The following AVL9 variants were observed in gnomAD, a reference collection of about 807,000 sequenced individuals.
AVL9 encodes the protein AVL9 cell migration associated.
A neutral mutation model predicts 79.2 loss-of-function variants in AVL9; 49 were observed. That is an observed-to-expected ratio of 0.62 (90% CI 0.49 to 0.79). AVL9 has a LOEUF of 0.79. AVL9 is among the 30% of genes least tolerant of loss of function. AVL9 has a pLI of 0.00. For synonymous variants in AVL9, 299 were observed against 280.6 expected, an observed-to-expected ratio of 1.07 and a Z score of -0.65; for missense variants, 682 against 776.8, an observed-to-expected ratio of 0.88 and a Z score of 1.45.
intron 1 of AVL9, among the ~76,000 whole-genome samples, chr7:32,516,280 C>CTTCA (rs1368880938): frequency 2.6e-5 from 4 of 152,178 alleles, no homozygotes; most frequent in Non-Finnish European, 5.9e-5. Flanking sequence ...AGGAAGCAGT[C>CTTCA]TTCACTGTTT....
intron 1 of AVL9, chr7:32,535,568 C>T (rs1223844263): frequency 1.3e-5 from 2 of 152,240 alleles, no homozygotes; most frequent in African/African-American, 4.8e-5. Flanking sequence ...TGAGCTCTCT[C>T]AACTTCTTGT....
intron 1 of AVL9, among the ~76,000 whole-genome samples, chr7:32,523,963 G>A (rs950855751): frequency 6.6e-6 from 1 of 151,728 alleles, no homozygotes; most frequent in African/African-American, 2.4e-5. Context: ...TCGATCTCCT[G>A]ACCTCGTGAT....
chr7:32,551,327 C>T lies in AVL9; in HGVS notation c.373-7C>T. The T allele has an allele frequency of 1.9e-6, 3 of 1,567,796 alleles. No homozygotes were observed. The highest frequency in any genetic ancestry group is 1.7e-4 in the Middle Eastern group (1 of 5,930). On this transcript the variant is annotated splice_region_variant and splice_polypyrimidine_tract_variant and intron_variant, in intron 4 of 15. Coordinates refer to ENST00000318709, the MANE Select transcript of AVL9 (RefSeq NM_015060.3). ...AATCAATGGTAATTTCTCTTTTTTC[C>T]TTTAAGCCTCTGTATGGTTTACTTC...
At chr7:32,570,913 G>A (rs1361286362) in intron 11 of AVL9, among the ~76,000 whole-genome samples, 2 of 143,548 alleles carry the variant, frequency 1.4e-5, no homozygotes, top group Non-Finnish European at 3.0e-5. Flanking sequence ...AAGCCACCGC[G>A]CCCAGCCTGA....
At position 32,579,556 on chromosome 7, in the gene AVL9, ATT is replaced by A. The variant is rs1791375391; in HGVS notation, c.1689-662_1689-661del. The stretch of plus-strand genomic sequence containing the variant: ...TTATATTATATATTATATATTATAT[ATT>A]ATATTATATATTATATTATATATTA... On this transcript the variant is annotated intron_variant, in intron 13 of 15. Coordinates refer to ENST00000318709, the MANE Select transcript of AVL9 (RefSeq NM_015060.3). 5.4e-4 allele frequency among the ~76,000 whole-genome samples: 2 copies of A among 3,720 alleles called. 1 individual carries two copies. The highest frequency in any genetic ancestry group is 0.018 in the South Asian group (2 of 114). 2.4% of individuals were successfully genotyped at this position (3,720 alleles called of 152,430 possible). A position where few individuals can be genotyped will look rare whatever the true frequency, so the allele number is the denominator to read the frequency against.
intron 2 of AVL9, among the ~76,000 whole-genome samples, chr7:32,544,230 GATC>G (rs966311945): frequency 1.3e-5 from 2 of 152,182 alleles, no homozygotes; most frequent in Admixed American, 1.3e-4. Context: ...CTGAGAATGA[GATC>G]ATTCCCCAGT....
chr7:32,542,755 T>C (rs894092489), intron 1 of AVL9, among the ~76,000 whole-genome samples: 2 of 152,280 alleles, frequency 1.3e-5, no homozygotes, highest in African/African-American at 4.8e-5. Flanking sequence ...TGGGCTCAAC[T>C]TGGGGCTCCT....
intron 15 of AVL9, chr7:32,581,225 G>T: frequency 4.4e-6 from 1 of 227,020 alleles, no homozygotes; most frequent in South Asian, 8.8e-5. Context: ...TAGGTATTAG[G>T]AACTGCTATC....
intron 1 of AVL9, among the ~76,000 whole-genome samples, chr7:32,521,813 G>GT (rs1199853403): frequency 6.6e-6 from 1 of 152,138 alleles, no homozygotes; most frequent in Non-Finnish European, 1.5e-5. Flanking sequence ...GGAAAAAGTG[G>GT]TTTTGTGGGC....
At chr7:32,510,095 A>G (rs929849172) in intron 1 of AVL9, among the ~76,000 whole-genome samples, 17 of 152,138 alleles carry the variant, frequency 1.1e-4, no homozygotes, top group Non-Finnish European at 2.4e-4. Context: ...GAGGGAAGCC[A>G]TCTCTCTAGG....
At chr7:32,580,662 T>C in intron 14 of AVL9, 140 bp from the exon 15 acceptor site, 1 of 612,640 alleles carries the variant, frequency 1.6e-6, no homozygotes. Context: ...CAAATAATAA[T>C]TTAGCTTCTT....
chr7:32,557,512 G>C (rs955732845), intron 8 of AVL9, among the ~76,000 whole-genome samples: 1 of 152,144 alleles, frequency 6.6e-6, no homozygotes, highest in African/African-American at 2.4e-5. Flanking sequence ...CAAGACTAGT[G>C]TTCTAGGGTG....
chr7:32,526,413 G>A (rs1050272847), intron 1 of AVL9, among the ~76,000 whole-genome samples: 22 of 152,160 alleles, frequency 1.4e-4, no homozygotes, highest in African/African-American at 4.8e-4. Context: ...GAGACAAACC[G>A]GGTTCTTAGA....
intron 8 of AVL9, among the ~76,000 whole-genome samples, chr7:32,555,400 C>G (rs1431865196): frequency 6.6e-6 from 1 of 152,110 alleles, no homozygotes; most frequent in African/African-American, 2.4e-5. Context: ...TATTACAGGC[C>G]ACACACATGG....
chr7:32,495,767 G>A lies in AVL9; in HGVS notation c.58G>A (p.Val20Met). The change falls in exon 1 of 16, where the codon GTG (valine) becomes ATG (methionine). Residue 20 changes from valine (V) to methionine (M), a missense_variant. Val to Met is a conservative substitution (Grantham distance 21). Coordinates refer to ENST00000318709, the MANE Select transcript of AVL9 (RefSeq NM_015060.3). ...GVPRGPVLHIVVVGFHHKKGC... is the reference protein window; with the variant it reads ...GVPRGPVLHIMVVGFHHKKGC... The stretch of plus-strand genomic sequence containing the variant: ...CCCCCGGGGGCCCGTACTGCACATC[G>A]TGGTGGTCGGATTTCACCACAAGAA... 2 of 1,260,132 alleles carry A rather than the reference G, an allele frequency of 1.6e-6. No individual in the cohort carries two copies. The highest frequency in any genetic ancestry group is 1.0e-6 in the Non-Finnish European group (1 of 992,372). The allele number at this position is 1,260,132 out of a possible 1,614,324, so 78.1% of individuals were successfully genotyped here. A position where few individuals can be genotyped will look rare whatever the true frequency, so the allele number is the denominator to read the frequency against.
At chr7:32,500,132 A>C (rs904774875) in intron 1 of AVL9, among the ~76,000 whole-genome samples, 4 of 152,156 alleles carry the variant, frequency 2.6e-5, no homozygotes, top group Non-Finnish European at 5.9e-5. Context: ...GCTGGGTCAA[A>C]TGGTATTTCT....
intron 4 of AVL9, 115 bp downstream of exon 4, chr7:32,549,033 G>T (rs1195017026): frequency 3.5e-6 from 2 of 569,840 alleles, no homozygotes; most frequent in Non-Finnish European, 5.6e-6. Context: ...AATTATTTAT[G>T]CCCTAGCATC....
chr7:32,520,748 CTGTT>C (rs539798704), intron 1 of AVL9, among the ~76,000 whole-genome samples: 163 of 152,250 alleles, frequency 1.1e-3, no homozygotes, highest in Middle Eastern at 6.8e-3. Context: ...AATCATATGA[CTGTT>C]TGAGAAGCTT....
At chr7:32,565,278 G>T (rs945771805) in intron 10 of AVL9, among the ~76,000 whole-genome samples, 2 of 152,154 alleles carry the variant, frequency 1.3e-5, no homozygotes, top group Non-Finnish European at 2.9e-5. Context: ...ACCTCAATGC[G>T]ACTGGGCGTG....
Sources: gnomAD v4.1 joint callset for allele counts (sites outside exome capture counted in the v4.1 genomes callset) on GRCh38, gnomAD v4.1.1 for gene constraint, MANE v1.5 for transcripts, NCBI Gene and HGNC (gene_info 2026-07-23, HGNC 2026-07-21) for gene names.